Variants in EPHX4 observed in about 807,000 individuals in gnomAD.
EPHX4 encodes the protein abhydrolase domain containing 7.
EPHX4 carries 31 observed loss-of-function variants against 44.9 expected under a neutral mutation model. The observed-to-expected ratio is 0.69, with a 90% CI of 0.52 to 0.93. EPHX4 has a LOEUF of 0.93. EPHX4 is among the 40% of genes least tolerant of loss of function. The probability of loss-of-function intolerance (pLI) is 0.00; values close to 1 mark genes in which losing one functional copy is unlikely to be tolerated. For synonymous variants in EPHX4, 151 were observed against 159.7 expected, an observed-to-expected ratio of 0.95 and a Z score of 0.41; for missense variants, 373 against 438.1, an observed-to-expected ratio of 0.85 and a Z score of 1.33.
chr1:92,062,577 T>C (rs1570699921), intron 6 of EPHX4, among the ~76,000 whole-genome samples: 1 of 93,372 alleles, frequency 1.1e-5, no homozygotes. Context: ...AGAGTGAAAC[T>C]CCATCTCAAA....
intron 6 of EPHX4, among the ~76,000 whole-genome samples, chr1:92,055,764 A>T (rs1460904982): frequency 6.6e-6 from 1 of 152,176 alleles, no homozygotes; most frequent in African/African-American, 2.4e-5. Context: ...AAGAAAAAAG[A>T]TTTAAAATCT....
At chr1:92,044,947 T>C (rs941435428) in intron 3 of EPHX4, among the ~76,000 whole-genome samples, 12 of 152,072 alleles carry the variant, frequency 7.9e-5, no homozygotes, top group Non-Finnish European at 1.5e-4. Flanking sequence ...GTTTCTTTTG[T>C]ACCCCCCCAC....
chr1:92,052,384 C>A (rs1647278997), intron 5 of EPHX4, 126 bp from the exon 6 acceptor site: 1 of 845,800 alleles, frequency 1.2e-6, no homozygotes, highest in Non-Finnish European at 1.8e-6. Flanking sequence ...AGATCTCAAA[C>A]TTGGCTAGAG....
chr1:92,060,443 A>G (rs193027705), intron 6 of EPHX4, among the ~76,000 whole-genome samples: 7 of 147,310 alleles, frequency 4.8e-5, no homozygotes, highest in Admixed American at 4.0e-4. Flanking sequence ...CCCTGTCTCA[A>G]AAAAAAAAAA....
At chr1:92,056,368 A>T (rs1033524816) in intron 6 of EPHX4, among the ~76,000 whole-genome samples, 10 of 152,192 alleles carry the variant, frequency 6.6e-5, no homozygotes, top group African/African-American at 2.4e-4. Context: ...TGAACTAGGA[A>T]TAAGACTAGC....
At chr1:92,045,244 A>G (rs1322742594) in intron 3 of EPHX4, among the ~76,000 whole-genome samples, 1 of 151,544 alleles carries the variant, frequency 6.6e-6, no homozygotes, top group Non-Finnish European at 1.5e-5. Context: ...CTTTGGCCTC[A>G]CAAGTGTTGA....
chr1:92,054,320 G>A (rs1207776021), intron 6 of EPHX4, among the ~76,000 whole-genome samples: 3 of 152,070 alleles, frequency 2.0e-5, no homozygotes, highest in African/African-American at 7.2e-5. Flanking sequence ...ATATCAACCT[G>A]GGCCATGCCT....
chr1:92,059,925 T>A (rs1461218795), intron 6 of EPHX4, among the ~76,000 whole-genome samples: 1 of 151,496 alleles, frequency 6.6e-6, no homozygotes. Flanking sequence ...AGTGGCATGA[T>A]CACACTTCAC....
intron 6 of EPHX4, among the ~76,000 whole-genome samples, chr1:92,059,427 C>T (rs1327242210): frequency 6.6e-6 from 1 of 151,372 alleles, no homozygotes; most frequent in African/African-American, 2.4e-5. Context: ...CAGAGCAAGA[C>T]CCTGTCTCAA....
At chr1:92,054,150 G>C (rs1388772970) in intron 6 of EPHX4, among the ~76,000 whole-genome samples, 1 of 152,104 alleles carries the variant, frequency 6.6e-6, no homozygotes, top group African/African-American at 2.4e-5. Context: ...GAATTCTCAG[G>C]GCAGAAATTA....
intron 6 of EPHX4, among the ~76,000 whole-genome samples, chr1:92,060,373 C>T (rs1440601677): frequency 6.6e-6 from 1 of 151,112 alleles, no homozygotes; most frequent in Non-Finnish European, 1.5e-5. Context: ...ATGTTGCTCA[C>T]TGCATCATGA....
intron 2 of EPHX4, among the ~76,000 whole-genome samples, chr1:92,041,920 A>G (rs1322370438): frequency 1.3e-5 from 2 of 152,166 alleles, no homozygotes; most frequent in Admixed American, 6.5e-5. Context: ...GTGGTGGCAC[A>G]TGCCTGTAAT....
chr1:92,060,007 C>T (rs1647460744), intron 6 of EPHX4, among the ~76,000 whole-genome samples: 1 of 147,100 alleles, frequency 6.8e-6, no homozygotes, highest in African/African-American at 2.5e-5. Context: ...AGCCACCCTG[C>T]CCCACCGAGA....
chr1:92,043,699 C>T (rs1032331739), intron 3 of EPHX4: 1 of 152,176 alleles, frequency 6.6e-6, no homozygotes, highest in Admixed American at 6.5e-5. Flanking sequence ...TTCCTGTGCT[C>T]ATGGATCTGC....
At chr1:92,055,850 G>A (rs1647355509) in intron 6 of EPHX4, among the ~76,000 whole-genome samples, 1 of 152,128 alleles carries the variant, frequency 6.6e-6, no homozygotes, top group East Asian at 1.9e-4. Context: ...CTTCCTTTGA[G>A]TTGTAGAACA....
chr1:92,030,355 C>T (rs1340037825), intron 1 of EPHX4, 45 bp downstream of exon 1: 6 of 1,440,120 alleles, frequency 4.2e-6, no homozygotes, highest in Non-Finnish European at 5.5e-6. Flanking sequence ...GGAGCGTGAC[C>T]GCCGCGAGGG....
intron 4 of EPHX4, among the ~76,000 whole-genome samples, chr1:92,049,851 C>A (rs1006775018): frequency 3.9e-5 from 6 of 152,024 alleles, no homozygotes; most frequent in African/African-American, 1.2e-4. Context: ...GTAATCCCAG[C>A]ACTTTGGGAG....
rs576604624 is a variant in EPHX4 at position 92,043,109 on chromosome 1, G to C, written c.475+129G>C. 3.2e-5 allele frequency: 24 copies of C among 743,988 alleles called. No individual in the cohort carries two copies. The East Asian group carries it at 6.1e-4, about 19-fold the overall frequency. 46.1% of individuals were successfully genotyped at this position (743,988 alleles called of 1,614,324 possible). A position where few individuals can be genotyped will look rare whatever the true frequency, so the allele number is the denominator to read the frequency against. On this transcript the variant is annotated intron_variant, in intron 3 of 6. Coordinates refer to ENST00000370383, the MANE Select transcript of EPHX4 (RefSeq NM_173567.5). ...AAATTATCTGGATCCTGTCACTATG[G>C]TTTCAGTTAGTCAGCCCAAAATATC... is the stretch of plus-strand genomic sequence containing the variant.
intron 2 of EPHX4, among the ~76,000 whole-genome samples, chr1:92,037,730 C>G (rs1389899210): frequency 6.6e-6 from 1 of 152,134 alleles, no homozygotes; most frequent in East Asian, 1.9e-4. Flanking sequence ...ACCAGGAGCC[C>G]TCCTAGGTGA....
Sources: allele counts gnomAD v4.1 joint callset (sites outside exome capture counted in the v4.1 genomes callset), GRCh38; gene constraint gnomAD v4.1.1; transcripts MANE v1.5; gene names NCBI Gene and HGNC (gene_info 2026-07-23, HGNC 2026-07-21).